The following XPO4 variants were observed in gnomAD, a reference collection of about 807,000 sequenced individuals.
XPO4 encodes the protein exportin 4, also known as exportin-4.
A neutral mutation model predicts 143.0 loss-of-function variants in XPO4; 39 were observed. The ratio of observed to expected loss-of-function variants is 0.27; its 90% confidence interval spans 0.21 to 0.36. The LOEUF is 0.36. Ranked by LOEUF, XPO4 falls within the 10% of genes least tolerant of loss-of-function variation. The probability of loss-of-function intolerance (pLI) is 1.00; values close to 1 mark genes in which losing one functional copy is unlikely to be tolerated. For synonymous variants in XPO4, 439 were observed against 474.0 expected, an observed-to-expected ratio of 0.93 and a Z score of 0.96; for missense variants, 907 against 1,348.0, an observed-to-expected ratio of 0.67 and a Z score of 5.12.
In XPO4 at chr13:20,878,509, T is replaced by C. The variant is rs577043847; in HGVS notation, c.70-9808A>G. On this transcript the variant is annotated intron_variant, in intron 1 of 22. Coordinates refer to ENST00000255305, the MANE Select transcript of XPO4 (RefSeq NM_022459.5). ...TTTATAAAGCCAGTAAAAATTGAAC[T>C]ACAGCTATATTTACCAACCTAGATA... Among the ~76,000 whole-genome samples, 10 of 152,356 alleles carry C rather than the reference T, an allele frequency of 6.6e-5. No individual in the cohort carries two copies. In the South Asian group the frequency reaches 2.1e-3, roughly 32 times the overall value.
At chr13:20,900,712 A>G (rs1180368187) in intron 1 of XPO4, among the ~76,000 whole-genome samples, 1 of 151,730 alleles carries the variant, frequency 6.6e-6, no homozygotes, top group Non-Finnish European at 1.5e-5. Context: ...TCCTGGTTCA[A>G]GCGATTCTCC....
At chr13:20,820,834 G>A (rs1171162335) in intron 9 of XPO4, among the ~76,000 whole-genome samples, 1 of 152,096 alleles carries the variant, frequency 6.6e-6, no homozygotes. Context: ...ATACACGTTG[G>A]CAGAATCTAA....
At chr13:20,878,058 G>A (rs896166403) in intron 1 of XPO4, among the ~76,000 whole-genome samples, 5 of 152,080 alleles carry the variant, frequency 3.3e-5, no homozygotes, top group Non-Finnish European at 7.3e-5. Context: ...TTAGCCAGTC[G>A]TGGTAGCACG....
At chr13:20,886,038 G>GTA (rs926461780) in intron 1 of XPO4, among the ~76,000 whole-genome samples, 12 of 152,152 alleles carry the variant, frequency 7.9e-5, no homozygotes, top group Non-Finnish European at 4.4e-5. Context: ...GTAACTCTCA[G>GTA]TAACTGTTAG....
chr13:20,877,992 C>A (rs1363434771), intron 1 of XPO4, among the ~76,000 whole-genome samples: 2 of 152,108 alleles, frequency 1.3e-5, no homozygotes, highest in African/African-American at 4.8e-5. Flanking sequence ...AGGTCAGGAG[C>A]TCAAGACCAG....
At chr13:20,897,398 A>G (rs1375441311) in intron 1 of XPO4, among the ~76,000 whole-genome samples, 3 of 152,188 alleles carry the variant, frequency 2.0e-5, no homozygotes, top group African/African-American at 7.2e-5. Context: ...ATTGCTTATC[A>G]AACTAGAAAA....
At chr13:20,867,708 C>T (rs2060256651) in intron 2 of XPO4, among the ~76,000 whole-genome samples, 1 of 151,484 alleles carries the variant, frequency 6.6e-6, no homozygotes, top group African/African-American at 2.4e-5. Context: ...ATCTGGAAAC[C>T]AGCCTATTGG....
At position 20,803,533 on chromosome 13, in the gene XPO4, A is replaced by G. The variant is rs2059463262; in HGVS notation, c.1818-2543T>C. On this transcript the variant is annotated intron_variant, in intron 13 of 22. Coordinates refer to ENST00000255305, the MANE Select transcript of XPO4 (RefSeq NM_022459.5). The surrounding 1 kb of genome is among the most constrained non-coding windows in gnomAD (Gnocchi z 4.1). ...ACCTTTCTCCATCTTCACTCCCAAGACTACGTAGGAAAATGCTTCCTAACT... is the reference window on the plus strand; with the variant it reads ...ACCTTTCTCCATCTTCACTCCCAAGGCTACGTAGGAAAATGCTTCCTAACT... 6.6e-6 allele frequency among the ~76,000 whole-genome samples: 1 copy of G among 152,146 alleles called. No individual in the cohort carries two copies. The highest frequency in any genetic ancestry group is 1.5e-5 in the Non-Finnish European group (1 of 68,024).
chr13:20,845,703 G>A (rs2060022978), intron 4 of XPO4, among the ~76,000 whole-genome samples: 1 of 152,120 alleles, frequency 6.6e-6, no homozygotes, highest in Non-Finnish European at 1.5e-5. Flanking sequence ...TGATTATAGT[G>A]CCAGCAATTA....
intron 6 of XPO4, among the ~76,000 whole-genome samples, chr13:20,836,084 T>C (rs1327528727): frequency 6.6e-6 from 1 of 152,212 alleles, no homozygotes; most frequent in East Asian, 1.9e-4. Context: ...AAGCTATTAG[T>C]AAAACGTTCT....
chr13:20,847,591 C>G (rs184720471), intron 4 of XPO4, among the ~76,000 whole-genome samples: 26 of 152,310 alleles, frequency 1.7e-4, no homozygotes, highest in South Asian at 2.1e-4. Flanking sequence ...TGCACTACCC[C>G]CTAACTCACC....
At chr13:20,801,310 T>C (rs867216145) in intron 13 of XPO4, among the ~76,000 whole-genome samples, 1 of 152,220 alleles carries the variant, frequency 6.6e-6, no homozygotes, top group Non-Finnish European at 1.5e-5. Context: ...TCAGGAGAAA[T>C]ACATCAAATT....
chr13:20,881,698 TATC>T (rs2060411898), intron 1 of XPO4, among the ~76,000 whole-genome samples: 1 of 152,196 alleles, frequency 6.6e-6, no homozygotes, highest in Non-Finnish European at 1.5e-5. Context: ...CACAATCACA[TATC>T]ATCATCAAAC....
At chr13:20,869,067 A>G (rs144877509) in intron 1 of XPO4, among the ~76,000 whole-genome samples, 35 of 152,268 alleles carry the variant, frequency 2.3e-4, no homozygotes, top group African/African-American at 8.4e-4. Flanking sequence ...CCTAGTTCAA[A>G]TAACTTCAAA....
intron 9 of XPO4, among the ~76,000 whole-genome samples, chr13:20,810,200 T>C (rs1488645250): frequency 6.6e-6 from 1 of 152,126 alleles, no homozygotes; most frequent in Non-Finnish European, 1.5e-5. Flanking sequence ...GGAACATGCA[T>C]TTTTCAAATA....
intron 9 of XPO4, among the ~76,000 whole-genome samples, chr13:20,811,288 C>CT (rs769614867): frequency 0.035 from 4,731 of 136,650 alleles, 233 homozygotes; most frequent in African/African-American, 0.11. Context: ...ATGCTTTTTT[C>CT]TTTTTTTTTT....
At chr13:20,808,115 T>C (rs902594817) in intron 12 of XPO4, among the ~76,000 whole-genome samples, 1 of 152,164 alleles carries the variant, frequency 6.6e-6, no homozygotes, top group Non-Finnish European at 1.5e-5. Context: ...AATGGGCTAG[T>C]TTCTTATACT....
intron 6 of XPO4, among the ~76,000 whole-genome samples, chr13:20,833,449 A>G (rs933800661): frequency 5.3e-5 from 8 of 152,228 alleles, no homozygotes; most frequent in African/African-American, 1.4e-4. Context: ...TAACTTATAA[A>G]CATCCCATAT....
In XPO4 at chr13:20,781,182, T is replaced by G; in HGVS notation, c.*2540A>C. 6.6e-6 allele frequency: 1 copy of G among 152,188 alleles called. No homozygotes were observed. The highest frequency in any genetic ancestry group is 6.5e-5 in the Admixed American group (1 of 15,280). The allele number at this position is 152,188 out of a possible 1,614,324, so 9.4% of individuals were successfully genotyped here. On this transcript the variant is annotated 3_prime_UTR_variant, in exon 23 of 23. Coordinates refer to ENST00000255305, the MANE Select transcript of XPO4 (RefSeq NM_022459.5). ...CAGTTTTAATAGAAAAAAAATCAAC[T>G]GACTTGAATTAAGCCAGTGTTCTTG...
Sources: allele counts gnomAD v4.1 joint callset (sites outside exome capture counted in the v4.1 genomes callset), GRCh38; gene constraint gnomAD v4.1.1; non-coding constraint Gnocchi (gnomAD v3.1); transcripts MANE v1.5; gene names NCBI Gene and HGNC (gene_info 2026-07-23, HGNC 2026-07-21).